Variants in COL22A1 observed in about 807,000 individuals in gnomAD.
COL22A1 encodes collagen alpha-1(XXII) chain.
In COL22A1, 221 loss-of-function variants were observed where a neutral mutation model predicts 248.9. The observed-to-expected ratio is 0.89, with a 90% CI of 0.80 to 0.99. The LOEUF is 0.99. COL22A1 is among the 50% of genes least tolerant of loss of function. The pLI, the probability that COL22A1 is intolerant of heterozygous loss-of-function variation, is 0.00. For synonymous variants in COL22A1, 891 were observed against 793.4 expected (o/e 1.12, Z -2.07); for missense variants, 2,240 against 2,179.0 (o/e 1.03, Z -0.56).
chr8:138,857,523 C>T (rs1822130774), intron 3 of COL22A1, among the ~76,000 whole-genome samples: 1 of 152,168 alleles, frequency 6.6e-6, no homozygotes, highest in South Asian at 2.1e-4. Context: ...TCGGCTGACC[C>T]TGGGGCATGG....
intron 10 of COL22A1, among the ~76,000 whole-genome samples, chr8:138,805,089 A>G (rs2131642920): frequency 2.1e-5 from 2 of 94,744 alleles, no homozygotes; most frequent in Admixed American, 1.1e-4. Context: ...TAGTGTAGGT[A>G]ATGGTGTATG....
intron 16 of COL22A1, 66 bp downstream of exon 16, chr8:138,775,900 G>A: frequency 1.4e-6 from 2 of 1,468,086 alleles, no homozygotes; most frequent in Non-Finnish European, 1.9e-6. Flanking sequence ...AGAGCAGATG[G>A]TTCCATGCAC....
Position 138,616,018 on chromosome 8 carries a change from C to T in COL22A1, c.3907G>A (p.Gly1303Arg), listed in dbSNP as rs1282761123. The change falls in exon 55 of 65, where the codon GGG becomes AGG. Residue 1303 changes from glycine (G) to arginine (R), a missense_variant. Gly to Arg is a moderately radical substitution (Grantham distance 125). Coordinates refer to ENST00000303045, the MANE Select transcript of COL22A1 (RefSeq NM_152888.3). ...SGAMGLPGQE[G>R]LPGKDGDTGP... ...CCACTTACATCTTTTCCTGGTAACC[C>T]TTCCTGACCAGGAAGCCCCATGGCA... 1 of 1,613,640 alleles carries T rather than the reference C, an allele frequency of 6.2e-7. No individual in the cohort carries two copies. Among genetic ancestry groups the T allele is most frequent in the Admixed American group, 1.7e-5 (1 of 60,026 alleles).
At chr8:138,806,715 C>G (rs1311212311) in intron 10 of COL22A1, among the ~76,000 whole-genome samples, 1 of 152,180 alleles carries the variant, frequency 6.6e-6, no homozygotes, top group Non-Finnish European at 1.5e-5. Flanking sequence ...CCTGAGCTCA[C>G]AGCAGCGGGC....
At chr8:138,742,934 T>C (rs1286647846) in intron 22 of COL22A1, among the ~76,000 whole-genome samples, 2 of 142,192 alleles carry the variant, frequency 1.4e-5, no homozygotes, top group African/African-American at 5.2e-5. Flanking sequence ...AATGGTGGAG[T>C]TGATGGTGAT....
chr8:138,877,961 G>T lies in COL22A1; in HGVS notation c.447C>A (p.Leu149=), dbSNP rs1316079603. The T allele has an allele frequency of 1.3e-6, 2 of 1,593,406 alleles. No homozygotes were observed. Among genetic ancestry groups the T allele is most frequent in the East Asian group, 2.3e-5 (1 of 43,766 alleles). The change falls in exon 3 of 65, where the codon CTC becomes CTA. Residue 149 remains leucine (L), a synonymous_variant. Coordinates refer to ENST00000303045, the MANE Select transcript of COL22A1 (RefSeq NM_152888.3). ...CCAGGTCCTGGCTGCGGCCGTCGGT[G>T]AGCAGGATGGCCACCTGCTTGTAGG... ...DRAYKQVAIL[L]TDGRSQDLVL... is the part of the protein sequence containing the mutation.
intron 44 of COL22A1, among the ~76,000 whole-genome samples, chr8:138,658,702 T>C (rs1331974815): frequency 6.6e-6 from 1 of 152,194 alleles, no homozygotes; most frequent in East Asian, 1.9e-4. Context: ...GCCATGAGCA[T>C]AACAGCTTTT....
rs754346147 is a variant in COL22A1, at chr8:138,693,629, C to T, written c.2754+17G>A. 5 of 1,574,246 alleles carry T rather than the reference C, an allele frequency of 3.2e-6. No homozygotes were observed. The highest frequency in any genetic ancestry group is 1.2e-5 in the South Asian group (1 of 85,552). The stretch of plus-strand genomic sequence containing the variant: ...TCCGGGGCTCCCCCACGAGGCAGGC[C>T]GATCATAGGGACTCACGGGGTTTCC... On this transcript the variant is annotated intron_variant, in intron 35 of 64. Coordinates refer to ENST00000303045, the MANE Select transcript of COL22A1 (RefSeq NM_152888.3).
chr8:138,749,410 C>T (rs577071569), intron 22 of COL22A1, among the ~76,000 whole-genome samples: 1 of 152,216 alleles, frequency 6.6e-6, no homozygotes, highest in Non-Finnish European at 1.5e-5. Context: ...TCATCTAACT[C>T]TACTTTGGAA....
At chr8:138,733,561 C>T (rs1830867198) in intron 23 of COL22A1, among the ~76,000 whole-genome samples, 1 of 152,192 alleles carries the variant, frequency 6.6e-6, no homozygotes, top group Non-Finnish European at 1.5e-5. Context: ...TTGGCAACAG[C>T]AGAAACTAAA....
chr8:138,850,398 C>T (rs1821544679), intron 3 of COL22A1, among the ~76,000 whole-genome samples: 1 of 152,162 alleles, frequency 6.6e-6, no homozygotes, highest in African/African-American at 2.4e-5. Flanking sequence ...AAGGAAAATC[C>T]CCCTGGACCT....
At chr8:138,622,296 A>G (rs1283525124) in intron 52 of COL22A1, among the ~76,000 whole-genome samples, 1 of 152,198 alleles carries the variant, frequency 6.6e-6, no homozygotes. Flanking sequence ...GCAAGTTGGT[A>G]TATTATTCTC....
intron 3 of COL22A1, among the ~76,000 whole-genome samples, chr8:138,858,950 C>T (rs76647376): frequency 0.052 from 7,972 of 152,162 alleles, 238 homozygotes; most frequent in African/African-American, 0.075. Context: ...CATGGTATGA[C>T]GAAGCCCCAG....
chr8:138,655,424 C>T (rs1693647339), intron 45 of COL22A1, among the ~76,000 whole-genome samples: 1 of 152,070 alleles, frequency 6.6e-6, no homozygotes, highest in African/African-American at 2.4e-5. Context: ...AGTTGCATGC[C>T]CATGGCTCAC....
At chr8:138,843,019 C>T (rs538063859) in intron 4 of COL22A1, among the ~76,000 whole-genome samples, 37 of 152,208 alleles carry the variant, frequency 2.4e-4, no homozygotes, top group Middle Eastern at 3.4e-3. Flanking sequence ...CTCTGGGAAA[C>T]GGGGTCAAAT....
intron 22 of COL22A1, among the ~76,000 whole-genome samples, chr8:138,739,583 A>G (rs1367780604): frequency 6.6e-6 from 1 of 152,160 alleles, no homozygotes; most frequent in Non-Finnish European, 1.5e-5. Flanking sequence ...GCCATCTGAA[A>G]GTGGAGTCGG....
At chr8:138,692,273 TGTGCACATGCATGTGTGCATGTTTGC>T (rs199954007) in intron 35 of COL22A1, among the ~76,000 whole-genome samples, 334 of 141,768 alleles carry the variant, frequency 2.4e-3, no homozygotes, top group Middle Eastern at 4.1e-3. Context: ...TGCATGTTTG[TGTGCACATGCATGTGTGCATGTTTGC>T]GGAGGTGTAT....
chr8:138,760,626 G>A (rs745720737), intron 17 of COL22A1, among the ~76,000 whole-genome samples: 6 of 152,136 alleles, frequency 3.9e-5, no homozygotes, highest in Non-Finnish European at 8.8e-5. Context: ...CCCCGGCCCA[G>A]GGAGCATAGA....
chr8:138,813,641 G>A (rs142240462), intron 7 of COL22A1, among the ~76,000 whole-genome samples: 1,205 of 66,552 alleles, frequency 0.018, 51 homozygotes, highest in African/African-American at 0.051. Context: ...AAAGTCCAGC[G>A]TTTCGTTCTA....
Sources: allele counts gnomAD v4.1 joint callset (sites outside exome capture counted in the v4.1 genomes callset), GRCh38; gene constraint gnomAD v4.1.1; transcripts MANE v1.5; gene names NCBI Gene and HGNC (gene_info 2026-07-23, HGNC 2026-07-21).